The following PANX1 variants were observed in gnomAD, a reference collection of about 807,000 sequenced individuals.
PANX1 encodes pannexin-1.
Under a neutral mutation model 38.7 loss-of-function variants are expected in PANX1, and 30 were observed. That is an observed-to-expected ratio of 0.78 (90% CI 0.58 to 1.05). The LOEUF is 1.05. PANX1 is among the 50% of genes least tolerant of loss of function. The pLI is 0.00. For missense variants in PANX1, 551 were observed against 517.2 expected (o/e 1.07, Z -0.63); for synonymous variants, 230 against 212.2 (o/e 1.08, Z -0.73).
At chr11:94,164,191 T>G (rs2134508549) in intron 2 of PANX1, among the ~76,000 whole-genome samples, 1 of 152,206 alleles carries the variant, frequency 6.6e-6, no homozygotes, top group Middle Eastern at 3.4e-3. Context: ...TATTGATGTT[T>G]TGTATTTTTT....
intron 2 of PANX1, chr11:94,175,778 T>A: frequency 1.0e-6 from 1 of 984,832 alleles, no homozygotes; most frequent in Non-Finnish European, 1.2e-6. Flanking sequence ...AAAATTCAGC[T>A]AATCACAGCC....
At chr11:94,163,296 T>C (rs1947069534) in intron 2 of PANX1, among the ~76,000 whole-genome samples, 2 of 152,242 alleles carry the variant, frequency 1.3e-5, no homozygotes, top group South Asian at 4.1e-4. Context: ...TGGGCATCCT[T>C]GTTCCATATC....
At chr11:94,176,375 C>A (rs964925122) in intron 2 of PANX1, among the ~76,000 whole-genome samples, 2 of 151,558 alleles carry the variant, frequency 1.3e-5, no homozygotes, top group Non-Finnish European at 2.9e-5. Flanking sequence ...GACATGGCAA[C>A]TAAATGCAGT....
At chr11:94,176,624 C>T (rs111375942) in intron 2 of PANX1, among the ~76,000 whole-genome samples, 15 of 151,566 alleles carry the variant, frequency 9.9e-5, no homozygotes, top group Non-Finnish European at 2.1e-4. Context: ...TGGGGGCTGC[C>T]GTCCACTCCC....
At chr11:94,171,848 A>C (rs1471701920) in intron 2 of PANX1, among the ~76,000 whole-genome samples, 4 of 144,386 alleles carry the variant, frequency 2.8e-5, no homozygotes, top group African/African-American at 1.1e-4. Context: ...ATGTGGGTAC[A>C]GTCTCGGGGG....
At chr11:94,158,285 A>C (rs1206160341) in intron 2 of PANX1, among the ~76,000 whole-genome samples, 3 of 152,090 alleles carry the variant, frequency 2.0e-5, no homozygotes, top group Non-Finnish European at 4.4e-5. Context: ...TTCTGTGAAG[A>C]AAGTCATTGG....
Position 94,138,472 on chromosome 11 carries a change from C to T in PANX1, c.181+8979C>T, listed in dbSNP as rs529000602. ...TATTTTCTTTTCCGGTTGTCCGTTTCCTTTGAATTCTGTTTATGTTAAGCA... is the reference window on the plus strand; with the variant it reads ...TATTTTCTTTTCCGGTTGTCCGTTTTCTTTGAATTCTGTTTATGTTAAGCA... On this transcript the variant is annotated intron_variant, in intron 1 of 4. Transcript: ENST00000227638. Among the ~76,000 whole-genome samples the T allele has an allele frequency of 1.2e-4, 18 of 152,034 alleles. No homozygotes were observed. In the South Asian group the frequency reaches 3.8e-3, roughly 32 times the overall value.
rs1283017199 is a variant in PANX1 at position 94,162,869 on chromosome 11, C to G, written c.321+9239C>G. 3.9e-5 allele frequency among the ~76,000 whole-genome samples: 3 copies of G among 76,348 alleles called. No homozygotes were observed. In the East Asian group the frequency reaches 1.0e-3, roughly 25 times the overall value. The allele number at this position is 76,348 out of a possible 152,430, so 50.1% of individuals were successfully genotyped here. On this transcript the variant is annotated intron_variant, in intron 2 of 4. Coordinates refer to ENST00000227638, the MANE Select transcript of PANX1 (RefSeq NM_015368.4). ...TCGGCCATCTTGGCTCCACCAACCT[C>G]TCTTTTTTTTTTTTTTTTTTGAGAC...
chr11:94,170,793 C>CT (rs977309678), intron 2 of PANX1, among the ~76,000 whole-genome samples: 8 of 151,690 alleles, frequency 5.3e-5, no homozygotes, highest in Admixed American at 4.6e-4. Context: ...ACTTCTGTGG[C>CT]TTGAGAATTC....
chr11:94,139,833 G>GTTCATT lies in PANX1; in HGVS notation c.181+10341_181+10342insTCATTT, dbSNP rs1340042767. On this transcript the variant is annotated intron_variant, in intron 1 of 4. Coordinates refer to ENST00000227638, the MANE Select transcript of PANX1 (RefSeq NM_015368.4). ...TCAGGACCCTTCTGAACCTCGCTCT[G>GTTCATT]TGTATCTCTTTACCTGTCTGTTCAT... Among the ~76,000 whole-genome samples, 3 of 152,224 alleles carry GTTCATT rather than the reference G, an allele frequency of 2.0e-5. No individual in the cohort carries two copies. In the East Asian group the frequency reaches 5.8e-4, roughly 29 times the overall value.
At chr11:94,132,023 C>A (rs1032750048) in intron 1 of PANX1, among the ~76,000 whole-genome samples, 20 of 152,142 alleles carry the variant, frequency 1.3e-4, no homozygotes, top group Non-Finnish European at 5.9e-5. Context: ...TTACTGCTTC[C>A]CTCTCTGGTG....
intron 2 of PANX1, among the ~76,000 whole-genome samples, chr11:94,154,103 C>T (rs1420160814): frequency 6.6e-6 from 1 of 152,192 alleles, no homozygotes; most frequent in East Asian, 1.9e-4. Flanking sequence ...ACTGGAACAT[C>T]AAAAAGCCTA....
chr11:94,142,957 GAA>G (rs35566532), intron 1 of PANX1, among the ~76,000 whole-genome samples: 1,831 of 152,272 alleles, frequency 0.012, 45 homozygotes, highest in African/African-American at 0.043. Flanking sequence ...GAGGTTCCTT[GAA>G]AAAGTGTTTG....
At chr11:94,158,480 A>T (rs1187233573) in intron 2 of PANX1, among the ~76,000 whole-genome samples, 1 of 151,704 alleles carries the variant, frequency 6.6e-6, no homozygotes, top group African/African-American at 2.4e-5. Context: ...TGTAAGTTGG[A>T]TTCCTAGGTA....
At chr11:94,162,035 A>T (rs997535523) in intron 2 of PANX1, among the ~76,000 whole-genome samples, 3 of 152,150 alleles carry the variant, frequency 2.0e-5, no homozygotes, top group African/African-American at 7.2e-5. Flanking sequence ...AGAACAGCAG[A>T]TACTGGTGAG....
chr11:94,152,818 G>A (rs1458368676), intron 1 of PANX1, among the ~76,000 whole-genome samples: 2 of 152,208 alleles, frequency 1.3e-5, no homozygotes, highest in African/African-American at 4.8e-5. Flanking sequence ...TCCCAGAAGA[G>A]CGAGTGAACG....
chr11:94,141,997 T>C (rs1946767289), intron 1 of PANX1, among the ~76,000 whole-genome samples: 1 of 152,158 alleles, frequency 6.6e-6, no homozygotes, highest in Non-Finnish European at 1.5e-5. Context: ...CTGCTGGGGT[T>C]GGGGAATGTG....
chr11:94,170,705 G>A (rs909891599), intron 2 of PANX1, among the ~76,000 whole-genome samples: 3 of 151,684 alleles, frequency 2.0e-5, no homozygotes, highest in African/African-American at 7.3e-5. Context: ...TTCTGAGGTC[G>A]CACAGCCAGA....
chr11:94,136,377 T>G (rs1946690586), intron 1 of PANX1, among the ~76,000 whole-genome samples: 1 of 152,244 alleles, frequency 6.6e-6, no homozygotes, highest in Non-Finnish European at 1.5e-5. Context: ...CCTAACACTG[T>G]AAGTTTCCTT....
Sources: allele counts gnomAD v4.1 joint callset (sites outside exome capture counted in the v4.1 genomes callset), GRCh38; gene constraint gnomAD v4.1.1; transcripts MANE v1.5; gene names NCBI Gene and HGNC (gene_info 2026-07-23, HGNC 2026-07-21).